The following TEX11 variants were observed in gnomAD, a reference collection of about 807,000 sequenced individuals.
The protein encoded by TEX11 is testis-expressed protein 11.
A neutral mutation model predicts 84.4 loss-of-function variants in TEX11; 7 were observed. The ratio of observed to expected loss-of-function variants is 0.08; its 90% CI spans 0.05 to 0.16. The LOEUF is 0.16. Among genes scored for constraint, TEX11 ranks in the 10% least tolerant of loss-of-function variants. The pLI, the probability that TEX11 is intolerant of heterozygous loss-of-function variation, is 1.00. For synonymous variants in TEX11, 264 were observed against 222.8 expected (o/e 1.18, Z -1.64); for missense variants, 551 against 660.5 (o/e 0.83, Z 1.82).
rs200740930 is a variant in TEX11 at position 70,645,289 on chromosome X, TA to T, written c.1483+6160del. The stretch of plus-strand genomic sequence containing the variant: ...CAAAATTCAACATCATTCCATGATT[TA>T]AAAAAAAAAACACAATAAAGGCCAT... On this transcript the variant is annotated intron_variant, in intron 17 of 29. Transcript: ENST00000374333. Among the ~76,000 whole-genome samples the T allele has an allele frequency of 1.4e-3, 143 of 103,628 alleles. 2 individuals carry two copies. The highest frequency in any genetic ancestry group is 2.1e-3 in the Non-Finnish European group (104 of 50,196). 90.0% of individuals were successfully genotyped at this position (103,628 alleles called of 115,157 possible).
At chrX:70,717,086 G>A (rs1718317772) in intron 13 of TEX11, among the ~76,000 whole-genome samples, 1 of 109,865 alleles carries the variant, frequency 9.1e-6, no homozygotes, top group African/African-American at 3.3e-5. Flanking sequence ...AATAGTACTG[G>A]ATATTACTAG....
chrX:70,516,149 G>T, the TEX11 span, among the ~76,000 whole-genome samples: 3 of 111,980 alleles, frequency 2.7e-5, no homozygotes, highest in Non-Finnish European at 5.6e-5. Context: ...GTCAATTTTG[G>T]CTTTTGTTGC....
intron 25 of TEX11, among the ~76,000 whole-genome samples, chrX:70,581,385 G>A (rs760192538): frequency 1.3e-4 from 12 of 95,860 alleles, no homozygotes; most frequent in African/African-American, 3.5e-4. Flanking sequence ...TGCAACCTCC[G>A]CCTGCTGGGT....
At chrX:70,605,948 T>G (rs753528179) in intron 23 of TEX11, among the ~76,000 whole-genome samples, 68 of 112,010 alleles carry the variant, frequency 6.1e-4, no homozygotes, top group Non-Finnish European at 1.1e-3. Context: ...TTGACAGGCA[T>G]TAGTCATGAC....
At chrX:70,616,700 T>C (rs1313882907) in intron 20 of TEX11, among the ~76,000 whole-genome samples, 1 of 111,576 alleles carries the variant, frequency 9.0e-6, no homozygotes. Flanking sequence ...CCATAGAAAA[T>C]AATTGAGATC....
chrX:70,629,104 C>T (rs1022248431), intron 18 of TEX11, among the ~76,000 whole-genome samples: 1 of 111,734 alleles, frequency 8.9e-6, no homozygotes, highest in African/African-American at 3.3e-5. Flanking sequence ...GTATTCAAAC[C>T]TAGTCTAAGA....
chrX:70,880,927 T>G (rs906031857), intron 2 of TEX11, among the ~76,000 whole-genome samples: 1 of 98,723 alleles, frequency 1.0e-5, no homozygotes, highest in Non-Finnish European at 2.0e-5. Flanking sequence ...TAGTACCAAC[T>G]ACTCAGGAGG....
Position 70,817,402 on chromosome X carries a change from T to C in TEX11, c.607-10612A>G, listed in dbSNP as rs1602152615. Among the ~76,000 whole-genome samples the C allele has an allele frequency of 3.6e-5, 4 of 111,219 alleles. No individual in the cohort carries two copies. In the South Asian group the frequency reaches 1.5e-3, roughly 42 times the overall value. On this transcript the variant is annotated intron_variant, in intron 8 of 29. Transcript: ENST00000374333. ...AGATTTTCTACTAAAATAAATAAGG[T>C]CTCCTGAGATACATAGTTAATTTCA...
At chrX:70,594,016 C>G (rs1018626717) in intron 24 of TEX11, among the ~76,000 whole-genome samples, 4 of 111,204 alleles carry the variant, frequency 3.6e-5, no homozygotes, top group Non-Finnish European at 7.5e-5. Context: ...TCTACACACT[C>G]AAGAAGCCCA....
intron 20 of TEX11, among the ~76,000 whole-genome samples, chrX:70,616,811 G>A (rs1057147562): frequency 6.3e-5 from 7 of 111,249 alleles, no homozygotes; most frequent in Non-Finnish European, 1.3e-4. Flanking sequence ...CTTATTTGTG[G>A]GAGCCAAAAA....
chrX:70,674,194 T>G (rs1260390222), intron 15 of TEX11, among the ~76,000 whole-genome samples: 1 of 112,386 alleles, frequency 8.9e-6, no homozygotes, highest in Non-Finnish European at 1.9e-5. Context: ...GGACGATAGC[T>G]TCCAGCTCCA....
chrX:70,676,712 C>T (rs953522030), intron 15 of TEX11, among the ~76,000 whole-genome samples: 2 of 111,874 alleles, frequency 1.8e-5, no homozygotes, highest in African/African-American at 3.2e-5. Flanking sequence ...CCCAGTTACC[C>T]GTATATTAAG....
intron 24 of TEX11, among the ~76,000 whole-genome samples, chrX:70,593,717 T>G (rs894705214): frequency 2.7e-5 from 3 of 111,364 alleles, no homozygotes; most frequent in Non-Finnish European, 1.9e-5. Flanking sequence ...AATTCTGGAG[T>G]TGAAAACTAC....
intron 17 of TEX11, among the ~76,000 whole-genome samples, chrX:70,645,154 C>A (rs2089725735): frequency 9.1e-6 from 1 of 110,236 alleles, no homozygotes; most frequent in Admixed American, 9.7e-5. Context: ...AACAAAAAAT[C>A]TTCCATCTAA....
chrX:70,554,571 AAAG>A (rs2088261941), intron 26 of TEX11, 77 bp downstream of exon 26: 1 of 974,620 alleles, frequency 1.0e-6, no homozygotes, highest in South Asian at 3.1e-5. Flanking sequence ...TGGAGGTAAG[AAAG>A]AAGAGTAAAG....
At chrX:70,675,539 CTT>C (rs2090063204) in intron 15 of TEX11, among the ~76,000 whole-genome samples, 2 of 109,037 alleles carry the variant, frequency 1.8e-5, no homozygotes, top group South Asian at 8.0e-4. Flanking sequence ...ACCTTTCTTT[CTT>C]TTCTTTTTCT....
chrX:70,519,842 C>T, the TEX11 span, among the ~76,000 whole-genome samples: 1 of 111,690 alleles, frequency 9.0e-6, no homozygotes, highest in Non-Finnish European at 1.9e-5. Flanking sequence ...CTAAACTTCT[C>T]TTCTCACTGC....
chrX:70,838,690 G>A (rs923354535), intron 7 of TEX11, among the ~76,000 whole-genome samples: 13 of 112,584 alleles, frequency 1.2e-4, no homozygotes, highest in South Asian at 3.7e-4. Context: ...GCGAGGCATC[G>A]CCTCACCAGG....
chrX:70,600,474 T>C (rs1323286278), intron 24 of TEX11, among the ~76,000 whole-genome samples: 1 of 110,727 alleles, frequency 9.0e-6, no homozygotes. Flanking sequence ...AGAATGTCAA[T>C]AAGGATACCC....
Sources: allele counts gnomAD v4.1 joint callset (sites outside exome capture counted in the v4.1 genomes callset), GRCh38; gene constraint gnomAD v4.1.1; transcripts MANE v1.5; gene names NCBI Gene and HGNC (gene_info 2026-07-23, HGNC 2026-07-21).